The following HNRNPM variants were observed in gnomAD, a reference collection of about 807,000 sequenced individuals.
HNRNPM encodes CEA receptor.
HNRNPM carries 11 observed loss-of-function variants against 73.1 expected under a neutral mutation model. The observed-to-expected ratio is 0.15, with a 90% CI of 0.09 to 0.25. The LOEUF is 0.25. Ranked by LOEUF, HNRNPM falls within the 10% of genes least tolerant of loss-of-function variation. HNRNPM has a pLI of 1.00. For missense variants in HNRNPM, 789 were observed against 1,067.9 expected (o/e 0.74, Z 3.64); for synonymous variants, 407 against 355.2 (o/e 1.15, Z -1.64).
chr19:8,463,613 A>G lies in HNRNPM; in HGVS notation c.365A>G (p.Glu122Gly). Reference sequence around the variant, plus strand: ...TATAGTGTTGTTGAATTCAAGATGGAAGAGAGCATGAAAAAAGCTGCGGAA... The same window carrying G: ...TATAGTGTTGTTGAATTCAAGATGGGAGAGAGCATGAAAAAAGCTGCGGAA... ...RGCAVVEFKM[E>G]ESMKKAAEVL... Residue 122 changes from glutamate to glycine, a missense_variant, in exon 5 of 16, where the codon GAA becomes GGA. By Grantham distance (98) the Glu-to-Gly change is moderately conservative. Around this residue, in one of 4 missense-constraint regions of HNRNPM, gnomAD observed 63 missense variants for 147.4 expected, o/e 0.43. Coordinates refer to ENST00000325495, the MANE Select transcript of HNRNPM (RefSeq NM_005968.5). 2 of 1,613,954 alleles carry G rather than the reference A, an allele frequency of 1.2e-6. No homozygotes were observed. The highest frequency in any genetic ancestry group is 1.7e-6 in the Non-Finnish European group (2 of 1,179,844).
At chr19:8,447,532 G>A (rs1968288269) in intron 1 of HNRNPM, among the ~76,000 whole-genome samples, 1 of 152,074 alleles carries the variant, frequency 6.6e-6, no homozygotes, top group African/African-American at 2.4e-5. Context: ...GAAGATGGTT[G>A]GGGAGGGGCA....
chr19:8,468,965 G>C lies in HNRNPM; in HGVS notation c.895+131G>C. 4.3e-6 allele frequency: 3 copies of C among 702,366 alleles called. No individual in the cohort carries two copies. In the South Asian group the frequency reaches 4.9e-5, roughly 11 times the overall value. The allele number at this position is 702,366 out of a possible 1,614,324, so 43.5% of individuals were successfully genotyped here. A position where few individuals can be genotyped will look rare whatever the true frequency, so the allele number is the denominator to read the frequency against. On this transcript the variant is annotated intron_variant, in intron 9 of 15. Transcript: ENST00000325495. ...TTCTCTTGGCCAGTTCTTTTCTATA[G>C]ATTTTTCAGGGTGAGAAATGAGCAG...
chr19:8,445,159 G>A (rs1013145662), intron 1 of HNRNPM, 48 bp downstream of exon 1: 5 of 1,331,706 alleles, frequency 3.8e-6, no homozygotes, highest in South Asian at 1.9e-5. Context: ...CCTCTCCGCG[G>A]CCGACGCGGG....
chr19:8,476,922 G>C (rs1055822447), intron 12 of HNRNPM, among the ~76,000 whole-genome samples: 2 of 122,960 alleles, frequency 1.6e-5, no homozygotes, highest in African/African-American at 6.2e-5. Flanking sequence ...CTATCCAGCA[G>C]ATAGCACCCA....
rs115083215 is a variant in HNRNPM, at chr19:8,477,562, G to T, written c.1120+3318G>T. Among the ~76,000 whole-genome samples, 769 of 151,648 alleles carry T rather than the reference G, an allele frequency of 5.1e-3. 9 individuals carry two copies. The highest frequency in any genetic ancestry group is 0.018 in the African/African-American group (724 of 41,166). ...AGCTGCCTGGGAAACTCAGGTGGGAGGATGACTTGAGCCCAGGAGGTCGAG... is the reference window on the plus strand; with the variant it reads ...AGCTGCCTGGGAAACTCAGGTGGGATGATGACTTGAGCCCAGGAGGTCGAG... On this transcript the variant is annotated intron_variant, in intron 12 of 15. Transcript: ENST00000325495.
chr19:8,484,392 G>T (rs554264260), intron 13 of HNRNPM, among the ~76,000 whole-genome samples: 2 of 151,962 alleles, frequency 1.3e-5, no homozygotes, highest in Non-Finnish European at 2.9e-5. Context: ...GGCCAGGCTG[G>T]TCGCGAACTC....
chr19:8,475,905 CTTTTTTTT>C (rs71175865), intron 12 of HNRNPM, among the ~76,000 whole-genome samples: 1 of 114,408 alleles, frequency 8.7e-6, no homozygotes, highest in South Asian at 3.0e-4. Flanking sequence ...CCATCTCTCT[CTTTTTTTT>C]TTTTTTTTTT....
At position 8,462,591 on chromosome 19, in the gene HNRNPM, T is replaced by A; in HGVS notation, c.336+10T>A. 6.2e-7 allele frequency: 1 copy of A among 1,606,842 alleles called. No individual in the cohort carries two copies. The highest frequency in any genetic ancestry group is 8.5e-7 in the Non-Finnish European group (1 of 1,173,298). On this transcript the variant is annotated intron_variant, in intron 3 of 15. Transcript: ENST00000325495. The surrounding 1 kb of genome is among the most constrained non-coding windows in gnomAD (Gnocchi z 4.5). Reference sequence around the variant, plus strand: ...TGAAGGAAAGTCAAGGGTAAGTGTCTGAGAGAATTTCTTCTGTGGATTTAC... The same window carrying A: ...TGAAGGAAAGTCAAGGGTAAGTGTCAGAGAGAATTTCTTCTGTGGATTTAC...
intron 13 of HNRNPM, among the ~76,000 whole-genome samples, chr19:8,483,512 T>C (rs2145748060): frequency 6.6e-6 from 1 of 152,342 alleles, no homozygotes; most frequent in Admixed American, 6.5e-5. Flanking sequence ...ATTGTTAGAG[T>C]ACCTCTCTTT....
intron 1 of HNRNPM, among the ~76,000 whole-genome samples, chr19:8,445,793 T>C (rs1968128324): frequency 6.6e-6 from 1 of 152,114 alleles, no homozygotes; most frequent in Non-Finnish European, 1.5e-5. Flanking sequence ...CAGGTATTAG[T>C]GGAGAGATGG....
At chr19:8,448,664 T>C (rs1399029480) in intron 1 of HNRNPM, among the ~76,000 whole-genome samples, 3 of 151,818 alleles carry the variant, frequency 2.0e-5, no homozygotes, top group East Asian at 3.9e-4. Context: ...TATTTTTTTT[T>C]AGTAGAGATG....
intron 2 of HNRNPM, among the ~76,000 whole-genome samples, chr19:8,457,426 G>A (rs192329740): frequency 5.9e-5 from 9 of 152,282 alleles, no homozygotes; most frequent in Admixed American, 3.9e-4. Flanking sequence ...ATACTGCTAC[G>A]AATGCCTGGG....
chr19:8,462,366 C>G lies in HNRNPM; in HGVS notation c.284-163C>G, dbSNP rs1023780366. On this transcript the variant is annotated intron_variant, in intron 2 of 15. Transcript: ENST00000325495. This position sits in a 1 kb window ranked among gnomAD's most constrained non-coding sequence, Gnocchi z 4.5. Reference sequence around the variant, plus strand: ...CGTGTTTTCACCTACTTTTACTGCACACCTGTAATGCCTAGTTCGGTGGTT... The same window carrying G: ...CGTGTTTTCACCTACTTTTACTGCAGACCTGTAATGCCTAGTTCGGTGGTT... 1.6e-6 allele frequency: 1 copy of G among 642,620 alleles called. No individual in the cohort carries two copies. The highest frequency in any genetic ancestry group is 1.9e-5 in the South Asian group (1 of 52,154). 39.8% of individuals were successfully genotyped at this position (642,620 alleles called of 1,614,324 possible). A position where few individuals can be genotyped will look rare whatever the true frequency, so the allele number is the denominator to read the frequency against.
In HNRNPM at chr19:8,486,117, G is replaced by T; in HGVS notation, c.1689G>T (p.Leu563=). The change falls in exon 14 of 16, where the codon CTG becomes CTT. Residue 563 remains leucine (L), a synonymous_variant. Transcript: ENST00000325495. The stretch of plus-strand genomic sequence containing the variant: ...TGGAGCGCATGGGCGCCAACAATCT[G>T]GAGCGGATGGGCCTGGAGCGCATGG... ...TGLERMGANN[L]ERMGLERMGA... 1 of 1,606,176 alleles carries T rather than the reference G, an allele frequency of 6.2e-7. No homozygotes were observed.
chr19:8,475,905 CTTTTT>C (rs71175865), intron 12 of HNRNPM, among the ~76,000 whole-genome samples: 64 of 114,368 alleles, frequency 5.6e-4, no homozygotes, highest in East Asian at 4.9e-3. Context: ...CCATCTCTCT[CTTTTT>C]TTTTTTTTTT....
intron 12 of HNRNPM, among the ~76,000 whole-genome samples, chr19:8,475,762 T>A (rs1218809067): frequency 6.6e-6 from 1 of 152,220 alleles, no homozygotes; most frequent in African/African-American, 2.4e-5. Context: ...TCTGGCTTGG[T>A]AAAATGTTAC....
At chr19:8,454,543 A>G (rs898833312) in intron 1 of HNRNPM, among the ~76,000 whole-genome samples, 1 of 152,136 alleles carries the variant, frequency 6.6e-6, no homozygotes, top group African/African-American at 2.4e-5. Context: ...GAACATTGGC[A>G]TATGTGTATG....
chr19:8,461,626 T>C (rs1043728644), intron 2 of HNRNPM, among the ~76,000 whole-genome samples: 7 of 152,228 alleles, frequency 4.6e-5, no homozygotes, highest in Admixed American at 3.9e-4. Context: ...GCAGAAACTT[T>C]TGAAATGCTT....
intron 1 of HNRNPM, among the ~76,000 whole-genome samples, chr19:8,452,966 G>C (rs1968733877): frequency 6.6e-6 from 1 of 151,966 alleles, no homozygotes; most frequent in Admixed American, 6.6e-5. Flanking sequence ...TCAGCCTCCT[G>C]AGTAGCTGGG....
Sources: gnomAD v4.1 joint callset for allele counts (sites outside exome capture counted in the v4.1 genomes callset) on GRCh38, gnomAD v4.1.1 for gene constraint, gnomAD v4.1.1 regional missense constraint, Gnocchi (gnomAD v3.1) non-coding constraint, MANE v1.5 for transcripts, NCBI Gene and HGNC (gene_info 2026-07-23, HGNC 2026-07-21) for gene names.